The following MYBBP1A variants were observed in gnomAD, a reference collection of about 807,000 sequenced individuals.
MYBBP1A encodes the protein myb-binding protein 1A.
Under a neutral mutation model 136.3 loss-of-function variants are expected in MYBBP1A, and 147 were observed. That is an observed-to-expected ratio of 1.08 (90% CI 0.94 to 1.24). The LOEUF (loss-of-function observed/expected upper bound fraction) is 1.24, where lower values mean the gene tolerates loss of function less well. MYBBP1A is among the 50% of genes most tolerant of loss of function. The pLI, the probability that MYBBP1A is intolerant of heterozygous loss-of-function variation, is 0.00. For missense variants in MYBBP1A, 2,060 were observed against 1,727.4 expected (o/e 1.19, Z -3.41); for synonymous variants, 947 against 735.8 (o/e 1.29, Z -4.65).
chr17:4,542,524 A>C lies in MYBBP1A; in HGVS notation c.3027T>G (p.Cys1009Trp), dbSNP rs1597378451. 1 of 1,612,394 alleles carries C rather than the reference A, an allele frequency of 6.2e-7. No homozygotes were observed. The highest frequency in any genetic ancestry group is 1.7e-5 in the Admixed American group (1 of 59,906). Residue 1009 changes from cysteine (C) to tryptophan (W), a missense_variant, in exon 22 of 26, where the codon TGT becomes TGG. Physicochemically the swap from Cys to Trp is radical, Grantham distance 215. Coordinates refer to ENST00000254718, the MANE Select transcript of MYBBP1A (RefSeq NM_014520.4). ...GGACCAGGATGGGGAGCAGGCTCTG[A>C]CAGAGCACCTGGTGGGGAGTGACAA... is the stretch of plus-strand genomic sequence containing the variant. ...LSLFSRHPVL[C>W]QSLLPILVQH...
Position 4,542,660 on chromosome 17 carries a change from G to T in MYBBP1A, c.2974C>A (p.Pro992Thr). The change falls in exon 21 of 26, where the codon CCC becomes ACC. Residue 992 changes from proline (P) to threonine (T), a missense_variant. Physicochemically the swap from Pro to Thr is conservative, Grantham distance 38 (BLOSUM62 -1). Coordinates refer to ENST00000254718, the MANE Select transcript of MYBBP1A (RefSeq NM_014520.4). ...CTGAGGAACATGGGAACTGTGAGGG[G>T]GCTGTTGCGCTTGGTCAGGAAGGAG... is the stretch of plus-strand genomic sequence containing the variant. ...LSSFLTKRNS[P>T]LTVPMFLSLF... 6.2e-7 allele frequency: 1 copy of T among 1,614,028 alleles called. No individual in the cohort carries two copies. The highest frequency in any genetic ancestry group is 1.1e-5 in the South Asian group (1 of 91,086).
chr17:4,544,674 A>ACGGGGGTGGGCGCACAAGGAGG, intron 18 of MYBBP1A, 28 bp from the exon 19 acceptor site: 1 of 1,293,872 alleles, frequency 7.7e-7, no homozygotes, highest in African/African-American at 1.8e-5. Context: ...GGTCAGCAAC[A>ACGGGGGTGGGCGCACAAGGAGG]CGGGGGTGGG....
chr17:4,542,136 G>A (rs1405890102), intron 22 of MYBBP1A: 10 of 586,502 alleles, frequency 1.7e-5, no homozygotes, highest in East Asian at 1.1e-4. Context: ...TTGGCTTAGT[G>A]CCATCTTCCT....
In MYBBP1A at chr17:4,545,468, G is replaced by A. The variant is rs574168053; in HGVS notation, c.2074-123C>T. On this transcript the variant is annotated intron_variant, in intron 15 of 25. Coordinates refer to ENST00000254718, the MANE Select transcript of MYBBP1A (RefSeq NM_014520.4). The stretch of plus-strand genomic sequence containing the variant: ...AACGGAGCCTAGGAGAGGCGGCCAG[G>A]CCAGGCCAAGGCCTCGTTGAGACCC... 8 of 1,505,970 alleles carry A rather than the reference G, an allele frequency of 5.3e-6. No homozygotes were observed. In the African/African-American group the frequency reaches 9.8e-5, roughly 18 times the overall value. The allele number at this position is 1,505,970 out of a possible 1,614,324, so 93.3% of individuals were successfully genotyped here.
intron 22 of MYBBP1A, 89 bp downstream of exon 22, chr17:4,542,375 C>T (rs1283777052): frequency 2.8e-5 from 40 of 1,418,902 alleles, no homozygotes; most frequent in South Asian, 9.3e-5. Context: ...ACCAGGACAG[C>T]GCTCTGGGGC....
chr17:4,550,008 C>A (rs775670570), intron 9 of MYBBP1A, 50 bp downstream of exon 9: 2 of 1,559,994 alleles, frequency 1.3e-6, no homozygotes, highest in South Asian at 2.4e-5. Flanking sequence ...GCTCTGCAGG[C>A]CTAGGAAGTT....
chr17:4,552,723 T>A lies in MYBBP1A; in HGVS notation c.562-97A>T. ...CCTGACACGGGGCCACCTGGTGAGG[T>A]ATCAGAGTCATCAGAGGCCAGTTGC... On this transcript the variant is annotated intron_variant, in intron 5 of 25. Coordinates refer to ENST00000254718, the MANE Select transcript of MYBBP1A (RefSeq NM_014520.4). The surrounding 1 kb of genome is among the most constrained non-coding windows in gnomAD (Gnocchi z 4.7). The A allele has an allele frequency of 8.5e-7, 1 of 1,182,776 alleles. No homozygotes were observed. Among genetic ancestry groups the A allele is most frequent in the South Asian group, 1.5e-5 (1 of 65,728 alleles). The allele number at this position is 1,182,776 out of a possible 1,614,324, so 73.3% of individuals were successfully genotyped here. A position where few individuals can be genotyped will look rare whatever the true frequency, so the allele number is the denominator to read the frequency against.
chr17:4,547,804 C>CA lies in MYBBP1A; in HGVS notation c.1824+153_1824+154insT, dbSNP rs570055587. The CA allele has an allele frequency of 7.4e-5, 44 of 593,172 alleles. No individual in the cohort carries two copies. The African/African-American group carries it at 8.2e-4, about 11-fold the overall frequency. The allele number at this position is 593,172 out of a possible 1,614,324, so 36.7% of individuals were successfully genotyped here. ...CCGCTAAGTGGCCGGAGGGATGTTT[C>CA]CACCTGTGACAAAGTTGGCTTCAAA... On this transcript the variant is annotated intron_variant, in intron 13 of 25. Coordinates refer to ENST00000254718, the MANE Select transcript of MYBBP1A (RefSeq NM_014520.4).
intron 13 of MYBBP1A, 71 bp downstream of exon 13, chr17:4,547,887 G>T: frequency 7.7e-7 from 1 of 1,305,058 alleles, no homozygotes. Flanking sequence ...GCCCTCAAAA[G>T]CCTCTCGGTA....
rs545778317 is a variant in MYBBP1A at position 4,541,954 on chromosome 17, T to A, written c.3088-63A>T. ...ACGTTGGGTGCTCACGGCTCAGGGA[T>A]GCATGAGGGCTCGGGGGCCCGCTGG... On this transcript the variant is annotated intron_variant, in intron 22 of 25. Coordinates refer to ENST00000254718, the MANE Select transcript of MYBBP1A (RefSeq NM_014520.4). 5.8e-6 allele frequency: 8 copies of A among 1,373,230 alleles called. 1 individual carries two copies. The South Asian group carries it at 9.6e-5, about 17-fold the overall frequency. The allele number at this position is 1,373,230 out of a possible 1,614,324, so 85.1% of individuals were successfully genotyped here.
At chr17:4,550,807 C>T (rs547346280) in intron 8 of MYBBP1A, among the ~76,000 whole-genome samples, 40 of 152,404 alleles carry the variant, frequency 2.6e-4, no homozygotes, top group African/African-American at 8.9e-4. Flanking sequence ...CCACCTCTCA[C>T]GCGCTTACTC....
chr17:4,542,083 GGATA>G, intron 22 of MYBBP1A, 192 bp from the exon 23 acceptor site: 1 of 598,444 alleles, frequency 1.7e-6, no homozygotes. Flanking sequence ...CCTCCCAGCT[GGATA>G]GAGGTGGGAC....
chr17:4,546,431 C>T (rs934917905), intron 13 of MYBBP1A, among the ~76,000 whole-genome samples: 4 of 152,070 alleles, frequency 2.6e-5, no homozygotes, highest in African/African-American at 7.2e-5. Context: ...AGCTAGCTGA[C>T]GGCTTTTTCA....
chr17:4,555,099 G>A, intron 1 of MYBBP1A, 28 bp downstream of exon 1: 3 of 1,564,954 alleles, frequency 1.9e-6, no homozygotes, highest in Non-Finnish European at 2.6e-6. Context: ...GATATGCGCA[G>A]CCTCTGCCCC....
intron 22 of MYBBP1A, 83 bp downstream of exon 22, chr17:4,542,380 TG>T: frequency 6.9e-7 from 1 of 1,454,482 alleles, no homozygotes; most frequent in Non-Finnish European, 9.4e-7. Flanking sequence ...GACAGCGCTC[TG>T]GGGCCTCACA....
rs375252504 is a variant in MYBBP1A, at chr17:4,545,006, C to A, written c.2310+20G>T. 2.6e-5 allele frequency: 38 copies of A among 1,477,794 alleles called. No homozygotes were observed. The highest frequency in any genetic ancestry group is 1.3e-4 in the South Asian group (10 of 76,084). The allele number at this position is 1,477,794 out of a possible 1,614,324, so 91.5% of individuals were successfully genotyped here. A position where few individuals can be genotyped will look rare whatever the true frequency, so the allele number is the denominator to read the frequency against. ...CCCGAGCCCTCCCCGGCCGCCCCCC[C>A]CTCCACCTCCCCCACTCACCAGCGC... On this transcript the variant is annotated intron_variant, in intron 17 of 25. Coordinates refer to ENST00000254718, the MANE Select transcript of MYBBP1A (RefSeq NM_014520.4).
intron 5 of MYBBP1A, 78 bp downstream of exon 5, chr17:4,553,732 T>C: frequency 9.2e-7 from 1 of 1,081,114 alleles, no homozygotes. Context: ...ACAGTGCTGT[T>C]CCAGATTCTC....
At position 4,550,250 on chromosome 17, in the gene MYBBP1A, G is replaced by A. The variant is rs755507175; in HGVS notation, c.1127C>T (p.Ala376Val). 12 of 1,613,506 alleles carry A rather than the reference G, an allele frequency of 7.4e-6. No individual in the cohort carries two copies. The highest frequency in any genetic ancestry group is 1.0e-5 in the Non-Finnish European group (12 of 1,180,048). Residue 376 changes from alanine (A) to valine (V), a missense_variant, in exon 9 of 26, where the codon GCC becomes GTC. Transcript: ENST00000254718. ...DPERQLAVLVAFSSVTNQGLP... is the reference protein window; with the variant it reads ...DPERQLAVLVVFSSVTNQGLP... The stretch of plus-strand genomic sequence containing the variant: ...GCCTTGGTTGGTGACAGATGAGAAG[G>A]CCACTAGCACGGCCAGCTGCCGCTC...
At position 4,552,675 on chromosome 17, in the gene MYBBP1A, T is replaced by G; in HGVS notation, c.562-49A>C. Reference sequence around the variant, plus strand: ...CGTGACTTCCTCTGCGGGGTGAGCCTGGTGGATCCTGTTCTACCTGCTCCT... The same window carrying G: ...CGTGACTTCCTCTGCGGGGTGAGCCGGGTGGATCCTGTTCTACCTGCTCCT... On this transcript the variant is annotated intron_variant, in intron 5 of 25. Coordinates refer to ENST00000254718, the MANE Select transcript of MYBBP1A (RefSeq NM_014520.4). The surrounding 1 kb of genome is among the most constrained non-coding windows in gnomAD (Gnocchi z 4.7). 1 of 1,567,106 alleles carries G rather than the reference T, an allele frequency of 6.4e-7. No homozygotes were observed. The highest frequency in any genetic ancestry group is 1.3e-5 in the African/African-American group (1 of 74,118).
Sources: gnomAD v4.1 joint callset for allele counts (sites outside exome capture counted in the v4.1 genomes callset) on GRCh38, gnomAD v4.1.1 for gene constraint, Gnocchi (gnomAD v3.1) non-coding constraint, MANE v1.5 for transcripts, NCBI Gene and HGNC (gene_info 2026-07-23, HGNC 2026-07-21) for gene names.